CYRIB: variants seen among roughly 807,000 people sequenced by gnomAD.
The protein encoded by CYRIB is CYFIP-related Rac1 interactor B.
Under a neutral mutation model 44.2 loss-of-function variants are expected in CYRIB, and 8 were observed. That is an observed-to-expected ratio of 0.18 (90% confidence interval 0.11 to 0.33). The LOEUF (loss-of-function observed/expected upper bound fraction) is 0.33, where lower values mean the gene tolerates loss of function less well. CYRIB is among the 10% of genes least tolerant of loss of function. The pLI is 1.00. For synonymous variants in CYRIB, 131 were observed against 127.2 expected, an observed-to-expected ratio of 1.03 and a Z score of -0.20; for missense variants, 185 against 382.8, an observed-to-expected ratio of 0.48 and a Z score of 4.31.
At chr8:129,913,817 C>A (rs189285507) in intron 1 of CYRIB, among the ~76,000 whole-genome samples, 1 of 152,244 alleles carries the variant, frequency 6.6e-6, no homozygotes, top group African/African-American at 2.4e-5. Flanking sequence ...TTAAAACTGT[C>A]CCTGCCAGAT....
chr8:129,879,307 C>T (rs778029720), intron 3 of CYRIB, 82 bp downstream of exon 5: 5 of 935,422 alleles, frequency 5.3e-6, no homozygotes, highest in Non-Finnish European at 8.5e-6. Flanking sequence ...AAAAAGATGG[C>T]AAAGTGGAAA....
intron 5 of CYRIB, among the ~76,000 whole-genome samples, chr8:129,856,017 G>T (rs1004740168): frequency 6.6e-5 from 10 of 152,342 alleles, no homozygotes; most frequent in African/African-American, 2.4e-4. Flanking sequence ...AAATAGTGCA[G>T]AAGTGAATTT....
chr8:129,979,094 T>A (rs948640927), intron 1 of CYRIB, among the ~76,000 whole-genome samples: 2 of 151,932 alleles, frequency 1.3e-5, no homozygotes, highest in Admixed American at 6.6e-5. Flanking sequence ...TGAGCGGAGA[T>A]CGTGACACTG....
chr8:129,999,347 A>G (rs1308694050), intron 1 of CYRIB, among the ~76,000 whole-genome samples: 1 of 152,216 alleles, frequency 6.6e-6, no homozygotes, highest in Non-Finnish European at 1.5e-5. Flanking sequence ...ATCCCTGTCC[A>G]CAGGGAAGGG....
intron 1 of CYRIB, among the ~76,000 whole-genome samples, chr8:129,982,554 C>T (rs1374784254): frequency 1.3e-5 from 2 of 152,222 alleles, no homozygotes; most frequent in Non-Finnish European, 2.9e-5. Flanking sequence ...CAAGTCCTGA[C>T]TCATTTACCA....
At chr8:129,940,807 T>G (rs2093631512), upstream of CYRIB, among the ~76,000 whole-genome samples, 1 of 152,140 alleles carries the variant, frequency 6.6e-6, no homozygotes, top group Admixed American at 6.5e-5. Context: ...CAGGCCCAAC[T>G]GAAAATACTG....
chr8:129,861,035 T>C (rs990175123), intron 5 of CYRIB, among the ~76,000 whole-genome samples: 5 of 152,216 alleles, frequency 3.3e-5, no homozygotes, highest in Admixed American at 1.3e-4. Context: ...TTCTGGCTTA[T>C]GTATTTAAAA....
At chr8:129,967,117 A>C (rs889640209) in intron 2 of CYRIB, among the ~76,000 whole-genome samples, 1 of 152,234 alleles carries the variant, frequency 6.6e-6, no homozygotes. Context: ...AAAAATAAAA[A>C]AACAACAACA....
chr8:129,854,169 C>T (rs1339879484), intron 7 of CYRIB, 97 bp downstream of exon 9: 1 of 974,334 alleles, frequency 1.0e-6, no homozygotes, highest in Non-Finnish European at 1.6e-6. Flanking sequence ...TTATTACTAG[C>T]TTTAACACTA....
chr8:129,842,801 G>A (rs1586744396), intron 11 of CYRIB, among the ~76,000 whole-genome samples: 1 of 152,180 alleles, frequency 6.6e-6, no homozygotes, highest in Non-Finnish European at 1.5e-5. Context: ...AAACCATGTG[G>A]CCCACAAGGC....
At chr8:129,862,998 C>T (rs1244227518) in intron 4 of CYRIB, among the ~76,000 whole-genome samples, 1 of 151,928 alleles carries the variant, frequency 6.6e-6, no homozygotes, top group Non-Finnish European at 1.5e-5. Context: ...CCTTGGTGCC[C>T]AGCAGATCCA....
At chr8:129,947,089 G>T (rs558509062) in intron 2 of CYRIB, among the ~76,000 whole-genome samples, 1 of 151,000 alleles carries the variant, frequency 6.6e-6, no homozygotes, top group Admixed American at 6.6e-5. Flanking sequence ...ACAGAATCTT[G>T]CTGTGTCACC....
intron 2 of CYRIB, among the ~76,000 whole-genome samples, chr8:129,955,612 C>T (rs1591081351): frequency 6.6e-6 from 1 of 152,172 alleles, no homozygotes; most frequent in Non-Finnish European, 1.5e-5. Flanking sequence ...AAGCGTTCTA[C>T]GGTGTATCAA....
Position 129,879,476 on chromosome 8 carries a change from C to G in CYRIB, c.-10-5G>C. The G allele has an allele frequency of 6.3e-7, 1 of 1,594,090 alleles. No homozygotes were observed. The highest frequency in any genetic ancestry group is 8.5e-7 in the Non-Finnish European group (1 of 1,172,428). On this transcript the variant is annotated splice_polypyrimidine_tract_variant and splice_region_variant and intron_variant, in intron 2 of 11. Coordinates refer to ENST00000519824, the Ensembl canonical transcript of CYRIB. ...AGATTCCCCATGTTAAGGTACCTGT[C>G]AAGACAAGAATGAGAAAAGAGAAAA... is the stretch of plus-strand genomic sequence containing the variant.
chr8:129,917,962 A>G (rs1417936227), intron 1 of CYRIB, among the ~76,000 whole-genome samples: 1 of 152,200 alleles, frequency 6.6e-6, no homozygotes, highest in East Asian at 1.9e-4. Flanking sequence ...AATCCACCCT[A>G]CTACTGCAGT....
At chr8:129,901,222 A>G (rs1458914708) in intron 2 of CYRIB, among the ~76,000 whole-genome samples, 2 of 151,606 alleles carry the variant, frequency 1.3e-5, no homozygotes, top group African/African-American at 2.4e-5. Context: ...CATCATTAGG[A>G]TACCTTTTTT....
chr8:129,846,377 T>C (rs7815052), intron 11 of CYRIB, among the ~76,000 whole-genome samples: 2,871 of 152,326 alleles, frequency 0.019, 99 homozygotes, highest in African/African-American at 0.064. Flanking sequence ...CTATTATCTA[T>C]ATATGTAAAG....
upstream of CYRIB, chr8:129,939,958 C>T (rs2093533585): frequency 6.6e-6 from 1 of 152,256 alleles, no homozygotes. Flanking sequence ...TCATCCCCGC[C>T]CCTCCCGAAG....
At position 129,862,280 on chromosome 8, in the gene CYRIB, C is replaced by T. The variant is rs758252157; in HGVS notation, c.250G>A (p.Val84Ile). The stretch of plus-strand genomic sequence containing the variant: ...TTCTTTAATTTGCCTACTAGTGGAA[C>T]AACTGCACCCCATGCCTTCTCTTGC... The change falls in exon 5 of 12, where the codon GTT (valine) becomes ATT (isoleucine). Residue 84 changes from valine (V) to isoleucine (I), a missense_variant. Physicochemically the swap from Val to Ile is conservative, Grantham distance 29 (BLOSUM62 3). Transcript: ENST00000519824. 3 of 1,613,754 alleles carry T rather than the reference C, an allele frequency of 1.9e-6. No homozygotes were observed. The South Asian group carries it at 3.3e-5, about 18-fold the overall frequency.
Sources: gnomAD v4.1 joint callset for allele counts (sites outside exome capture counted in the v4.1 genomes callset) on GRCh38, gnomAD v4.1.1 for gene constraint, MANE v1.5 for transcripts, NCBI Gene and HGNC (gene_info 2026-07-23, HGNC 2026-07-21) for gene names.